Variants in TINAG observed in about 807,000 individuals in gnomAD.
TINAG encodes the protein tubulointerstitial nephritis antigen.
Under a neutral mutation model 72.7 loss-of-function variants are expected in TINAG, and 83 were observed. The ratio of observed to expected loss-of-function variants is 1.14; its 90% CI spans 0.96 to 1.37. The LOEUF (loss-of-function observed/expected upper bound fraction) is 1.37. TINAG is among the 40% of genes most tolerant of loss of function. The pLI is 0.00. For missense variants in TINAG, 685 were observed against 576.6 expected, an observed-to-expected ratio of 1.19 and a Z score of -1.93; for synonymous variants, 234 against 189.9, an observed-to-expected ratio of 1.23 and a Z score of -1.91.
At chr6:54,327,732 G>C (rs901536059) in intron 4 of TINAG, among the ~76,000 whole-genome samples, 4 of 152,174 alleles carry the variant, frequency 2.6e-5, no homozygotes, top group African/African-American at 4.8e-5. Context: ...CAGCACAGCA[G>C]TCTGAAATTG....
At chr6:54,355,397 T>G (rs9349706) in intron 9 of TINAG, among the ~76,000 whole-genome samples, 55,805 of 151,690 alleles carry the variant, frequency 0.37, 13,030 homozygotes, top group Middle Eastern at 0.55. Flanking sequence ...TTAATTTTAT[T>G]GAGCCTACGC....
chr6:54,348,580 A>T (rs959080551), intron 6 of TINAG, among the ~76,000 whole-genome samples: 4 of 152,054 alleles, frequency 2.6e-5, no homozygotes, highest in East Asian at 3.9e-4. Context: ...ACCTTCTCAC[A>T]GTGTCCTTAC....
intron 9 of TINAG, among the ~76,000 whole-genome samples, chr6:54,361,918 T>C (rs1763249817): frequency 1.3e-5 from 2 of 151,678 alleles, no homozygotes; most frequent in South Asian, 4.1e-4. Context: ...AGCCAAAGCC[T>C]AATTCACAGC....
chr6:54,365,891 G>A (rs1763396027), intron 9 of TINAG, among the ~76,000 whole-genome samples: 1 of 151,514 alleles, frequency 6.6e-6, no homozygotes, highest in Non-Finnish European at 1.5e-5. Flanking sequence ...ACAGCCAGGT[G>A]CAATGGTGTG....
At position 54,347,413 on chromosome 6, in the gene TINAG, G is replaced by A. The variant is rs771445541; in HGVS notation, c.795G>A (p.Thr265=). The change falls in exon 6 of 11, where the codon ACG becomes ACA. Residue 265 remains threonine, a synonymous_variant. Transcript: ENST00000259782. ...RIAIQSKGRY[T]ANLSPQNLIS... is the part of the protein sequence containing the mutation. ...CAATTCAGTCTAAGGGTCGATACAC[G>A]GCCAATCTATCCCCTCAGAATTTGA... 26 of 1,613,110 alleles carry A rather than the reference G, an allele frequency of 1.6e-5. No homozygotes were observed. The Middle Eastern group carries it at 2.3e-3, about 144-fold the overall frequency.
chr6:54,353,053 A>G (rs1408394101), intron 8 of TINAG, among the ~76,000 whole-genome samples: 5 of 151,810 alleles, frequency 3.3e-5, no homozygotes, highest in Admixed American at 6.6e-5. Flanking sequence ...GCAGTTTTCC[A>G]AAAGTAAAAT....
Position 54,334,677 on chromosome 6 carries a change from G to A in TINAG, c.624+7761G>A, listed in dbSNP as rs542855634. 7.2e-5 allele frequency among the ~76,000 whole-genome samples: 11 copies of A among 152,226 alleles called. 1 individual carries two copies. The highest frequency in any genetic ancestry group is 2.6e-4 in the African/African-American group (11 of 41,544). ...CAGAATTATTTATATTCATAGACAG[G>A]CCATCTAAAAAATTATTTCCCCTTA... On this transcript the variant is annotated intron_variant, in intron 4 of 10. Coordinates refer to ENST00000259782, the MANE Select transcript of TINAG (RefSeq NM_014464.4).
intron 9 of TINAG, among the ~76,000 whole-genome samples, chr6:54,357,086 A>G (rs1240348341): frequency 6.6e-6 from 1 of 151,856 alleles, no homozygotes; most frequent in Non-Finnish European, 1.5e-5. Flanking sequence ...CGTCCTCTTC[A>G]CAAAAATAGC....
chr6:54,326,963 G>T (rs1157904242), intron 4 of TINAG, 47 bp downstream of exon 4: 3 of 1,609,464 alleles, frequency 1.9e-6, no homozygotes, highest in Non-Finnish European at 2.5e-6. Context: ...TTGTAAAAGT[G>T]TGTTTGTGTG....
At chr6:54,369,446 T>C (rs1469166258) in intron 9 of TINAG, among the ~76,000 whole-genome samples, 1 of 151,944 alleles carries the variant, frequency 6.6e-6, no homozygotes, top group Non-Finnish European at 1.5e-5. Flanking sequence ...ATATATATGA[T>C]AATCTCTATA....
At chr6:54,331,386 G>T (rs1201350390) in intron 4 of TINAG, among the ~76,000 whole-genome samples, 3 of 152,106 alleles carry the variant, frequency 2.0e-5, no homozygotes, top group Admixed American at 2.0e-4. Flanking sequence ...ATGCAGAAAA[G>T]ACCTTCGATA....
chr6:54,354,317 A>C (rs1785337760), intron 8 of TINAG, among the ~76,000 whole-genome samples, 196 bp from the exon 9 acceptor site: 1 of 151,932 alleles, frequency 6.6e-6, no homozygotes, highest in Non-Finnish European at 1.5e-5. Context: ...TAAATAGCTA[A>C]AAGTTGTTTT....
At chr6:54,359,531 C>T (rs1021503063) in intron 9 of TINAG, among the ~76,000 whole-genome samples, 1 of 151,764 alleles carries the variant, frequency 6.6e-6, no homozygotes, top group Non-Finnish European at 1.5e-5. Flanking sequence ...CATTTATGCT[C>T]AGTTTGAACA....
chr6:54,362,268 C>G (rs1247403206), intron 9 of TINAG, among the ~76,000 whole-genome samples: 1 of 151,612 alleles, frequency 6.6e-6, no homozygotes, highest in African/African-American at 2.4e-5. Context: ...CAGGCTGACT[C>G]TCTTTTTAGG....
At chr6:54,347,871 C>T (rs1232770534) in intron 6 of TINAG, among the ~76,000 whole-genome samples, 2 of 151,876 alleles carry the variant, frequency 1.3e-5, no homozygotes, top group Non-Finnish European at 2.9e-5. Context: ...TTTTCAGTTA[C>T]CCAGATTGAT....
intron 9 of TINAG, among the ~76,000 whole-genome samples, chr6:54,365,028 A>C (rs1016060812): frequency 2.6e-5 from 4 of 151,458 alleles, no homozygotes; most frequent in African/African-American, 9.7e-5. Context: ...TTTTTGAAAA[A>C]CAACTGAATG....
intron 9 of TINAG, among the ~76,000 whole-genome samples, chr6:54,379,046 G>C (rs975976885): frequency 3.3e-5 from 5 of 152,054 alleles, no homozygotes; most frequent in Admixed American, 3.3e-4. Flanking sequence ...AACTCACCAG[G>C]TTGGAAATTT....
chr6:54,338,021 T>A (rs915202510), intron 4 of TINAG, among the ~76,000 whole-genome samples: 3 of 152,226 alleles, frequency 2.0e-5, no homozygotes, highest in Admixed American at 2.0e-4. Flanking sequence ...TCTTTCTTTT[T>A]ACTACTTCTG....
At chr6:54,355,256 C>T (rs1762997517) in intron 9 of TINAG, among the ~76,000 whole-genome samples, 1 of 151,858 alleles carries the variant, frequency 6.6e-6, no homozygotes, top group African/African-American at 2.4e-5. Context: ...CTGACTAAAA[C>T]ATCTCATAAT....
Sources: gnomAD v4.1 joint callset for allele counts (sites outside exome capture counted in the v4.1 genomes callset) on GRCh38, gnomAD v4.1.1 for gene constraint, MANE v1.5 for transcripts, NCBI Gene and HGNC (gene_info 2026-07-23, HGNC 2026-07-21) for gene names.